FREM2: variants seen among roughly 807,000 people sequenced by gnomAD.
FREM2 encodes FRAS1 related extracellular matrix 2.
A neutral mutation model predicts 219.9 loss-of-function variants in FREM2; 119 were observed. The observed-to-expected ratio is 0.54, with a 90% CI of 0.47 to 0.63. The LOEUF is 0.63. Ranked by LOEUF, FREM2 falls within the 30% of genes least tolerant of loss-of-function variation. The pLI, the probability that FREM2 is intolerant of heterozygous loss-of-function variation, is 0.00. For synonymous variants in FREM2, 1,562 were observed against 1,522.8 expected, an observed-to-expected ratio of 1.03 and a Z score of -0.60; for missense variants, 4,030 against 3,993.6, an observed-to-expected ratio of 1.01 and a Z score of -0.25.
rs775053570 is a variant in FREM2, at chr13:38,872,795, C to T, written c.8037C>T (p.Ser2679=). 6.2e-7 allele frequency: 1 copy of T among 1,613,980 alleles called. No individual in the cohort carries two copies. Among genetic ancestry groups the T allele is most frequent in the South Asian group, 1.1e-5 (1 of 91,082 alleles). ...CCCTTCGAGTCCCTCTGTATGTTTCCTACGTGTTCCATTCCCCCGTGGGGG... is the reference window on the plus strand; with the variant it reads ...CCCTTCGAGTCCCTCTGTATGTTTCTTACGTGTTCCATTCCCCCGTGGGGG... ...YVTLRVPLYV[S]YVFHSPVGVG... is the part of the protein sequence containing the mutation. Residue 2679 remains serine (S), a synonymous_variant, in exon 17 of 24, where the codon TCC becomes TCT. Transcript: ENST00000280481.
Position 38,859,401 on chromosome 13 carries a change from G to A in FREM2, c.7330G>A (p.Asp2444Asn). 1 of 1,614,214 alleles carries A rather than the reference G, an allele frequency of 6.2e-7. No individual in the cohort carries two copies. Among genetic ancestry groups the A allele is most frequent in the South Asian group, 1.1e-5 (1 of 91,082 alleles). ...RWLISAPAGP[D>N]GVTSPMREVD... The stretch of plus-strand genomic sequence containing the variant: ...GCTGATTAGTGCACCTGCGGGCCCT[G>A]ACGGTGTGACCAGCCCTATGAGAGA... The change falls in exon 14 of 24, where the codon GAC becomes AAC. Residue 2444 changes from aspartate (D) to asparagine (N), a missense_variant. By Grantham distance (23) the Asp-to-Asn change is conservative. This residue lies in a region of FREM2 where 928 missense variants were observed against 1,042.9 expected (regional missense o/e 0.89). Transcript: ENST00000280481.
chr13:38,874,338 C>T, intron 17 of FREM2, 144 bp from the exon 18 acceptor site: 1 of 694,004 alleles, frequency 1.4e-6, no homozygotes, highest in Non-Finnish European at 2.6e-6. Context: ...ACTTCTGCCT[C>T]TGTTATTCAG....
At chr13:38,714,212 T>C (rs1295235835) in intron 2 of FREM2, among the ~76,000 whole-genome samples, 2 of 152,240 alleles carry the variant, frequency 1.3e-5, no homozygotes, top group Non-Finnish European at 2.9e-5. Flanking sequence ...GTGAACTTGC[T>C]CAGTAAAAAT....
At chr13:38,736,150 C>T (rs1320436501) in intron 2 of FREM2, among the ~76,000 whole-genome samples, 1 of 152,144 alleles carries the variant, frequency 6.6e-6, no homozygotes, top group Non-Finnish European at 1.5e-5. Flanking sequence ...GCCTCAGAGG[C>T]TCACTTAATG....
At position 38,872,775 on chromosome 13, in the gene FREM2, C is replaced by T; in HGVS notation, c.8017C>T (p.Arg2673Ter). 5 of 1,614,010 alleles carry T rather than the reference C, an allele frequency of 3.1e-6. No homozygotes were observed. The highest frequency in any genetic ancestry group is 4.2e-6 in the Non-Finnish European group (5 of 1,179,910). ...CCTAGTGCAGTCCTATGTGACCCTT[C>T]GAGTCCCTCTGTATGTTTCCTACGT... ...LNLVQSYVTL[R>*]VPLYVSYVFH... Residue 2673 changes from arginine (R) to a stop codon, truncating the protein, a stop_gained, in exon 17 of 24, where the codon CGA (arginine) becomes TGA (stop). Transcript: ENST00000280481. LOFTEE classifies it high-confidence loss of function.
chr13:38,837,291 C>T (rs1044147661), intron 6 of FREM2, among the ~76,000 whole-genome samples: 2 of 152,206 alleles, frequency 1.3e-5, no homozygotes, highest in African/African-American at 4.8e-5. Flanking sequence ...TTTGATTGCA[C>T]TGTGGTCTGA....
intron 6 of FREM2, among the ~76,000 whole-genome samples, chr13:38,795,773 C>T (rs1332207008): frequency 6.6e-6 from 1 of 152,176 alleles, no homozygotes; most frequent in Non-Finnish European, 1.5e-5. Flanking sequence ...CCTCTGGTAT[C>T]TATCATTCTA....
chr13:38,710,064 C>G, intron 2 of FREM2, among the ~76,000 whole-genome samples: 1 of 150,664 alleles, frequency 6.6e-6, no homozygotes, highest in Admixed American at 6.7e-5. Context: ...TGGCACATAC[C>G]TGTGTTCCCA....
intron 6 of FREM2, among the ~76,000 whole-genome samples, chr13:38,816,255 C>T (rs1481790889): frequency 6.6e-6 from 1 of 152,036 alleles, no homozygotes; most frequent in African/African-American, 2.4e-5. Flanking sequence ...ACCCTGATTT[C>T]AAAATCAAAC....
intron 6 of FREM2, chr13:38,822,192 T>C (rs1384083445): frequency 2.6e-5 from 4 of 151,978 alleles, no homozygotes; most frequent in African/African-American, 9.7e-5. Context: ...AGGAAAAAAA[T>C]AGCTTTCTTT....
chr13:38,702,081 C>A (rs1173339317), intron 2 of FREM2, among the ~76,000 whole-genome samples: 4 of 151,852 alleles, frequency 2.6e-5, no homozygotes, highest in African/African-American at 9.7e-5. Flanking sequence ...CCCAGTAGAC[C>A]CTTTGCATTC....
intron 4 of FREM2, among the ~76,000 whole-genome samples, chr13:38,782,499 G>A (rs901020924): frequency 2.0e-5 from 3 of 152,158 alleles, no homozygotes; most frequent in Non-Finnish European, 2.9e-5. Flanking sequence ...TAAGGGAACA[G>A]CTATTTTTTA....
chr13:38,767,171 G>A (rs961550681), intron 3 of FREM2, among the ~76,000 whole-genome samples: 5 of 152,136 alleles, frequency 3.3e-5, no homozygotes, highest in East Asian at 1.9e-4. Context: ...ACTTGCCTAC[G>A]ATCCCACAAC....
chr13:38,872,137 A>T (rs936216526), intron 16 of FREM2, among the ~76,000 whole-genome samples: 1 of 152,206 alleles, frequency 6.6e-6, no homozygotes, highest in Non-Finnish European at 1.5e-5. Flanking sequence ...TTAAGTATTG[A>T]AACGTGCTCA....
At chr13:38,838,595 A>G (rs1036281185) in intron 6 of FREM2, among the ~76,000 whole-genome samples, 1 of 152,196 alleles carries the variant, frequency 6.6e-6, no homozygotes, top group Non-Finnish European at 1.5e-5. Context: ...TTTCAGGTAC[A>G]CCAATCAAAC....
intron 2 of FREM2, among the ~76,000 whole-genome samples, chr13:38,753,987 T>C (rs1872882777): frequency 6.6e-6 from 1 of 151,990 alleles, no homozygotes; most frequent in Non-Finnish European, 1.5e-5. Flanking sequence ...TATTTTATTT[T>C]ATTTTATTTT....
Position 38,847,631 on chromosome 13 carries a change from T to C in FREM2, c.6170-830T>C, listed in dbSNP as rs143588455. Reference sequence around the variant, plus strand: ...AAATATAAAAAGAACCACAGGGAGATATGGACATCCTACAAAATGAATCAA... The same window carrying C: ...AAATATAAAAAGAACCACAGGGAGACATGGACATCCTACAAAATGAATCAA... On this transcript the variant is annotated intron_variant, in intron 7 of 23. Transcript: ENST00000280481. Among the ~76,000 whole-genome samples the C allele has an allele frequency of 4.1e-3, 617 of 152,058 alleles. 3 individuals carry two copies. Among genetic ancestry groups the C allele is most frequent in the South Asian group, 8.7e-3 (42 of 4,818 alleles).
At chr13:38,855,345 A>G (rs1358716738) in intron 11 of FREM2, among the ~76,000 whole-genome samples, 1 of 152,212 alleles carries the variant, frequency 6.6e-6, no homozygotes, top group Non-Finnish European at 1.5e-5. Context: ...GCTCTTCTAC[A>G]TATGTACATA....
At chr13:38,827,600 T>C (rs1876343839) in intron 6 of FREM2, 1 of 152,086 alleles carries the variant, frequency 6.6e-6, no homozygotes, top group Admixed American at 6.6e-5. Context: ...GATGTGTGGA[T>C]AGATCACTGA....
Sources: gnomAD v4.1 joint callset for allele counts (sites outside exome capture counted in the v4.1 genomes callset) on GRCh38, gnomAD v4.1.1 for gene constraint, gnomAD v4.1.1 regional missense constraint, MANE v1.5 for transcripts, NCBI Gene and HGNC (gene_info 2026-07-23, HGNC 2026-07-21) for gene names.